MMP24: variants seen among roughly 807,000 people sequenced by gnomAD.
MMP24 encodes matrix metalloproteinase-24.
In MMP24, 25 loss-of-function variants were observed where a neutral mutation model predicts 62.8. The ratio of observed to expected loss-of-function variants is 0.40; its 90% confidence interval spans 0.29 to 0.56. MMP24 has a LOEUF of 0.56. Ranked by LOEUF, MMP24 falls within the 20% of genes least tolerant of loss-of-function variation. MMP24 has a pLI of 0.50. For missense variants in MMP24, 634 were observed against 853.6 expected, an observed-to-expected ratio of 0.74 and a Z score of 3.21; for synonymous variants, 319 against 350.5, an observed-to-expected ratio of 0.91 and a Z score of 1.00.
At chr20:35,268,075 G>C (rs929433587) in intron 6 of MMP24, 2 of 152,598 alleles carry the variant, frequency 1.3e-5, no homozygotes, top group Non-Finnish European at 2.9e-5. Flanking sequence ...AGAGGGAGAG[G>C]TTAAGTGGCA....
chr20:35,236,672 A>G (rs2060464873), intron 1 of MMP24, among the ~76,000 whole-genome samples: 1 of 152,102 alleles, frequency 6.6e-6, no homozygotes, highest in Admixed American at 6.5e-5. Flanking sequence ...AGGAGAAATG[A>G]CTTATTAAAA....
intron 1 of MMP24, among the ~76,000 whole-genome samples, chr20:35,246,151 G>C (rs1004963283): frequency 6.6e-6 from 1 of 151,968 alleles, no homozygotes; most frequent in East Asian, 1.9e-4. Flanking sequence ...ATACCACTCT[G>C]CATCACGGAA....
At chr20:35,267,126 C>A in intron 5 of MMP24, 79 bp from the exon 6 acceptor site, 1 of 1,222,782 alleles carries the variant, frequency 8.2e-7, no homozygotes, top group Non-Finnish European at 1.1e-6. Context: ...TGTCTCAGAG[C>A]TGCCTGGGTG....
intron 1 of MMP24, among the ~76,000 whole-genome samples, chr20:35,245,730 C>T (rs947870653): frequency 3.3e-5 from 5 of 150,784 alleles, no homozygotes; most frequent in Non-Finnish European, 5.9e-5. Flanking sequence ...ATTTTAGGCG[C>T]GAACCACCAC....
intron 1 of MMP24, among the ~76,000 whole-genome samples, chr20:35,245,530 C>T (rs2060510067): frequency 6.6e-6 from 1 of 151,916 alleles, no homozygotes; most frequent in African/African-American, 2.4e-5. Flanking sequence ...CTCAGTGCAG[C>T]CTCTGCCTCC....
intron 1 of MMP24, 140 bp downstream of exon 1, chr20:35,227,124 T>G: frequency 8.0e-6 from 5 of 626,046 alleles, no homozygotes; most frequent in Non-Finnish European, 9.9e-6. Flanking sequence ...GCGCCTTGGG[T>G]CCGGGCTGGC....
At chr20:35,266,175 T>TAAAAA (rs35806814) in intron 5 of MMP24, among the ~76,000 whole-genome samples, 4 of 43,034 alleles carry the variant, frequency 9.3e-5, no homozygotes, top group Non-Finnish European at 1.5e-4. Context: ...CCATCTCTGC[T>TAAAAA]AAAAAAAAAA....
intron 1 of MMP24, among the ~76,000 whole-genome samples, chr20:35,243,611 GGGAGGAGGAGAA>G (rs1412677313): frequency 6.6e-6 from 1 of 152,170 alleles, no homozygotes; most frequent in East Asian, 1.9e-4. Flanking sequence ...CCAGCACTTT[GGGAGGAGGAGAA>G]GGAGGAGGAG....
At chr20:35,273,370 TA>T (rs2060683867) in intron 8 of MMP24, among the ~76,000 whole-genome samples, 2 of 149,584 alleles carry the variant, frequency 1.3e-5, no homozygotes, top group South Asian at 4.2e-4. Flanking sequence ...TACTCCAGCC[TA>T]GGCAATGGAG....
intron 4 of MMP24, chr20:35,263,543 C>T (rs1282927977): frequency 5.7e-6 from 2 of 349,130 alleles, no homozygotes; most frequent in South Asian, 1.1e-4. Flanking sequence ...AATCCCTGCT[C>T]GACCCTCCCA....
chr20:35,274,732 G>A lies in MMP24; in HGVS notation c.*123G>A, dbSNP rs1286837590. On this transcript the variant is annotated 3_prime_UTR_variant, in exon 9 of 9. Transcript: ENST00000246186. The surrounding 1 kb of genome is among the most constrained non-coding windows in gnomAD (Gnocchi z 5.1). The stretch of plus-strand genomic sequence containing the variant: ...CAGGGCCCTAGGCTGGGGTCGTACA[G>A]CTGAAGTGGTGGGTGCATTGGCCTA... 1 of 864,478 alleles carries A rather than the reference G, an allele frequency of 1.2e-6. No individual in the cohort carries two copies. Among genetic ancestry groups the A allele is most frequent in the African/African-American group, 1.7e-5 (1 of 58,816 alleles). The allele number at this position is 864,478 out of a possible 1,614,324, so 53.6% of individuals were successfully genotyped here.
rs930216712 is a variant in MMP24, at chr20:35,269,193, C to T, written c.1195-567C>T. 6.6e-6 allele frequency among the ~76,000 whole-genome samples: 1 copy of T among 152,212 alleles called. No homozygotes were observed. Among genetic ancestry groups the T allele is most frequent in the Non-Finnish European group, 1.5e-5 (1 of 68,042 alleles). Reference sequence around the variant, plus strand: ...CATGGACTGTGTGCCCCGTACTGGTCTGGGCATTTTGCCTAGAATCTCTCA... The same window carrying T: ...CATGGACTGTGTGCCCCGTACTGGTTTGGGCATTTTGCCTAGAATCTCTCA... On this transcript the variant is annotated intron_variant, in intron 6 of 8. Transcript: ENST00000246186. The surrounding 1 kb of genome is among the most constrained non-coding windows in gnomAD (Gnocchi z 4.6).
intron 4 of MMP24, among the ~76,000 whole-genome samples, chr20:35,260,917 G>A (rs555885680): frequency 1.2e-4 from 19 of 152,328 alleles, no homozygotes; most frequent in Non-Finnish European, 1.5e-4. Flanking sequence ...GGCCAGTGAC[G>A]CTGGGGCCAG....
chr20:35,271,408 G>T lies in MMP24; in HGVS notation c.1334-161G>T, dbSNP rs2060668258. On this transcript the variant is annotated intron_variant, in intron 7 of 8. Coordinates refer to ENST00000246186, the MANE Select transcript of MMP24 (RefSeq NM_006690.4). The surrounding 1 kb of genome is among the most constrained non-coding windows in gnomAD (Gnocchi z 4.0). ...CTCGGAGCCCAGGCAGCAGAGGCAA[G>T]TTGTCCAGGATCTGTGACTGGCCTC... Among the ~76,000 whole-genome samples, 1 of 152,238 alleles carries T rather than the reference G, an allele frequency of 6.6e-6. No individual in the cohort carries two copies. Among genetic ancestry groups the T allele is most frequent in the African/African-American group, 2.4e-5 (1 of 41,454 alleles).
chr20:35,265,848 A>C (rs905804948), intron 5 of MMP24, among the ~76,000 whole-genome samples: 7 of 152,090 alleles, frequency 4.6e-5, no homozygotes, highest in African/African-American at 1.7e-4. Flanking sequence ...TACTGTAGTG[A>C]ACGATGCAGA....
intron 4 of MMP24, among the ~76,000 whole-genome samples, chr20:35,258,314 T>A (rs1017002765): frequency 6.6e-6 from 1 of 152,230 alleles, no homozygotes; most frequent in Non-Finnish European, 1.5e-5. Context: ...AATAATTTTT[T>A]AAAATCTAAT....
Position 35,275,639 on chromosome 20 carries a change from C to G in MMP24, c.*1030C>G, listed in dbSNP as rs935439493. 4.1e-5 allele frequency: 7 copies of G among 170,518 alleles called. No homozygotes were observed. The highest frequency in any genetic ancestry group is 7.4e-5 in the Non-Finnish European group (6 of 80,828). 10.6% of individuals were successfully genotyped at this position (170,518 alleles called of 1,614,324 possible). A position where few individuals can be genotyped will look rare whatever the true frequency, so the allele number is the denominator to read the frequency against. On this transcript the variant is annotated 3_prime_UTR_variant, in exon 9 of 9. Coordinates refer to ENST00000246186, the MANE Select transcript of MMP24 (RefSeq NM_006690.4). ...AGGTGAGGCAGAGATGGCTGCAGGG[C>G]CAACACTGGCAGAGCCTGGGAGTCC...
At position 35,276,064 on chromosome 20, in the gene MMP24, T is replaced by G. The variant is rs2060703773; in HGVS notation, c.*1455T>G. 2.5e-6 allele frequency: 1 copy of G among 398,712 alleles called. No homozygotes were observed. The highest frequency in any genetic ancestry group is 3.6e-5 in the East Asian group (1 of 28,078). The allele number at this position is 398,712 out of a possible 1,614,324, so 24.7% of individuals were successfully genotyped here. On this transcript the variant is annotated 3_prime_UTR_variant, in exon 9 of 9. Coordinates refer to ENST00000246186, the MANE Select transcript of MMP24 (RefSeq NM_006690.4). ...AAAAGGTGTCAGGCAGTCTCCAGCG[T>G]GCTGGCCGGGTCTCGGATGCCACCC...
chr20:35,267,486 G>T, intron 6 of MMP24, 67 bp downstream of exon 6: 1 of 1,456,904 alleles, frequency 6.9e-7, no homozygotes. Context: ...CGACATCATG[G>T]AGCTGGGGAA....
Sources: allele counts gnomAD v4.1 joint callset (sites outside exome capture counted in the v4.1 genomes callset), GRCh38; gene constraint gnomAD v4.1.1; non-coding constraint Gnocchi (gnomAD v3.1); transcripts MANE v1.5; gene names NCBI Gene and HGNC (gene_info 2026-07-23, HGNC 2026-07-21).